PRSS23: variants seen among roughly 807,000 people sequenced by gnomAD.
PRSS23 encodes the protein protease, serine 23.
Under a neutral mutation model 34.7 loss-of-function variants are expected in PRSS23, and 25 were observed. The observed-to-expected ratio is 0.72, with a 90% CI of 0.53 to 1.01. The LOEUF (loss-of-function observed/expected upper bound fraction) is 1.01. Among genes scored for constraint, PRSS23 ranks in the 50% least tolerant of loss-of-function variants. The pLI, the probability that PRSS23 is intolerant of heterozygous loss-of-function variation, is 0.00. For missense variants in PRSS23, 445 were observed against 475.6 expected (o/e 0.94, Z 0.60); for synonymous variants, 176 against 186.6 (o/e 0.94, Z 0.46).
intron 2 of PRSS23, among the ~76,000 whole-genome samples, chr11:86,861,990 G>A (rs942003267): frequency 6.6e-6 from 1 of 152,062 alleles, no homozygotes; most frequent in Admixed American, 6.5e-5. Context: ...TATACAGGGG[G>A]TGAGAGAATG....
chr11:86,949,041 G>A (rs77034986), intron 2 of PRSS23: 1 of 152,416 alleles, frequency 6.6e-6, no homozygotes, highest in Non-Finnish European at 1.5e-5. Flanking sequence ...ATAGGCAATG[G>A]AGTATCAGAT....
chr11:86,824,721 T>C (rs1948285618), intron 2 of PRSS23, among the ~76,000 whole-genome samples: 1 of 148,114 alleles, frequency 6.8e-6, no homozygotes, highest in African/African-American at 2.5e-5. Flanking sequence ...TGAGTGAGAA[T>C]ATGCAGTGTT....
intron 2 of PRSS23, among the ~76,000 whole-genome samples, chr11:86,941,233 A>G (rs1385870541): frequency 1.3e-5 from 2 of 152,186 alleles, no homozygotes; most frequent in Admixed American, 1.3e-4. Flanking sequence ...CTGTTTGCCC[A>G]TTACACTGGG....
chr11:86,839,839 T>C (rs555654518), intron 2 of PRSS23, among the ~76,000 whole-genome samples: 146 of 150,198 alleles, frequency 9.7e-4, no homozygotes, highest in African/African-American at 2.9e-3. Context: ...GAATCTCGTA[T>C]GCAGCCAAAC....
At chr11:86,882,804 T>C (rs757446507) in intron 2 of PRSS23, among the ~76,000 whole-genome samples, 12 of 152,212 alleles carry the variant, frequency 7.9e-5, no homozygotes, top group Non-Finnish European at 1.3e-4. Context: ...GTTGAACTAA[T>C]TTACACTCCT....
At chr11:86,835,069 T>C (rs1948394325) in intron 2 of PRSS23, among the ~76,000 whole-genome samples, 1 of 152,228 alleles carries the variant, frequency 6.6e-6, no homozygotes, top group African/African-American at 2.4e-5. Context: ...CTTTTCTTCA[T>C]TGTCTGGAAG....
intron 2 of PRSS23, among the ~76,000 whole-genome samples, chr11:86,849,458 T>A (rs1482590967): frequency 6.6e-6 from 1 of 152,158 alleles, no homozygotes; most frequent in Non-Finnish European, 1.5e-5. Context: ...AGTCTGGGCC[T>A]TGGAAGGACA....
chr11:86,863,354 C>A (rs1241151993), intron 2 of PRSS23, among the ~76,000 whole-genome samples: 2 of 152,172 alleles, frequency 1.3e-5, no homozygotes, highest in Non-Finnish European at 2.9e-5. Flanking sequence ...CTTGCTAGAT[C>A]AGTTCCTTGA....
At chr11:86,863,844 A>G (rs1948632033) in intron 2 of PRSS23, among the ~76,000 whole-genome samples, 1 of 152,214 alleles carries the variant, frequency 6.6e-6, no homozygotes, top group Admixed American at 6.5e-5. Context: ...TTAATTCTGT[A>G]TTAAAGAGCA....
At chr11:86,878,800 T>C (rs1205881031) in intron 2 of PRSS23, among the ~76,000 whole-genome samples, 1 of 148,018 alleles carries the variant, frequency 6.8e-6, no homozygotes, top group Non-Finnish European at 1.5e-5. Context: ...CCGGCCACCA[T>C]CCCATCTAGG....
intron 2 of PRSS23, among the ~76,000 whole-genome samples, chr11:86,879,312 G>T (rs1428751872): frequency 6.8e-6 from 1 of 147,154 alleles, no homozygotes; most frequent in African/African-American, 2.5e-5. Context: ...CTGCCCAGCC[G>T]CCCCGTCTGA....
At chr11:86,859,998 A>G (rs1948601933) in intron 2 of PRSS23, among the ~76,000 whole-genome samples, 2 of 151,866 alleles carry the variant, frequency 1.3e-5, no homozygotes, top group South Asian at 4.2e-4. Flanking sequence ...TGTATACCCA[A>G]CCTGTGATGT....
chr11:86,935,138 G>T (rs1949152964), intron 2 of PRSS23: 1 of 152,240 alleles, frequency 6.6e-6, no homozygotes, highest in Non-Finnish European at 1.5e-5. Context: ...GAAACAAACA[G>T]AGAGGACTCC....
chr11:86,833,606 C>T (rs1948378688), intron 2 of PRSS23: 1 of 202,472 alleles, frequency 4.9e-6, no homozygotes, highest in African/African-American at 2.4e-5. Context: ...ATCATTTTCC[C>T]TCCCACTGTG....
In PRSS23 at chr11:86,841,638, C is replaced by CAG. The variant is rs199807319; in HGVS notation, c.206+18047_206+18048dup. 9.7e-3 allele frequency among the ~76,000 whole-genome samples: 1,474 copies of CAG among 151,856 alleles called. 41 individuals carry two copies. Among genetic ancestry groups the CAG allele is most frequent in the African/African-American group, 0.034 (1,398 of 41,480 alleles). ...GTCCCACAGAAATACAAACTACCAT[C>CAG]AGAATACTATAAACACCTCTATGCT... On this transcript the variant is annotated intron_variant, in intron 2 of 2. Coordinates refer to the PRSS23 transcript ENST00000533902.
At position 86,889,552 on chromosome 11, in the gene PRSS23, C is replaced by G. The variant is rs1837691049; in HGVS notation, c.207-61664C>G. Among the ~76,000 whole-genome samples, 5 of 152,158 alleles carry G rather than the reference C, an allele frequency of 3.3e-5. No homozygotes were observed. The South Asian group carries it at 1.0e-3, about 31-fold the overall frequency. On this transcript the variant is annotated intron_variant, in intron 2 of 2. Transcript: ENST00000533902. ...AGGAGCAAAAAAGGGACTGAATGCA[C>G]TCCATCAAGTCTTTTTATAAGGGTG...
intron 2 of PRSS23, among the ~76,000 whole-genome samples, chr11:86,831,662 G>T (rs1948357233): frequency 6.6e-6 from 1 of 150,732 alleles, no homozygotes; most frequent in South Asian, 2.1e-4. Flanking sequence ...ATATTCTAGG[G>T]GATGTTACTC....
At chr11:86,836,168 C>G (rs992654035) in intron 2 of PRSS23, among the ~76,000 whole-genome samples, 1 of 152,150 alleles carries the variant, frequency 6.6e-6, no homozygotes, top group Non-Finnish European at 1.5e-5. Flanking sequence ...ACAAGGGCCT[C>G]ATTGATAATC....
chr11:86,873,033 A>G (rs915705908), intron 2 of PRSS23, among the ~76,000 whole-genome samples: 9 of 152,046 alleles, frequency 5.9e-5, no homozygotes, highest in African/African-American at 1.7e-4. Flanking sequence ...ATTTTTATGT[A>G]CAACAGTAAG....
Sources: gnomAD v4.1 joint callset for allele counts (sites outside exome capture counted in the v4.1 genomes callset) on GRCh38, gnomAD v4.1.1 for gene constraint, MANE v1.5 for transcripts, NCBI Gene and HGNC (gene_info 2026-07-23, HGNC 2026-07-21) for gene names.